TNFRSF11B: variants seen among roughly 807,000 people sequenced by gnomAD.
TNFRSF11B encodes TNF receptor superfamily member 11b.
TNFRSF11B carries 16 observed loss-of-function variants against 43.4 expected under a neutral mutation model. That is an observed-to-expected ratio of 0.37 (90% confidence interval 0.25 to 0.56). TNFRSF11B has a LOEUF of 0.56. Among genes scored for constraint, TNFRSF11B ranks in the 20% least tolerant of loss-of-function variants. The probability of loss-of-function intolerance (pLI) is 0.80; values close to 1 mark genes in which losing one functional copy is unlikely to be tolerated. For missense variants in TNFRSF11B, 444 were observed against 490.1 expected (o/e 0.91, Z 0.89); for synonymous variants, 185 against 181.8 (o/e 1.02, Z -0.14).
At chr8:118,938,513 AT>A (rs994802547) in intron 1 of TNFRSF11B, among the ~76,000 whole-genome samples, 1 of 152,136 alleles carries the variant, frequency 6.6e-6, no homozygotes, top group African/African-American at 2.4e-5. Flanking sequence ...TATAAAATGA[AT>A]TTTTTGGTCA....
chr8:118,935,159 T>C (rs1053459256), intron 1 of TNFRSF11B, among the ~76,000 whole-genome samples: 1 of 152,200 alleles, frequency 6.6e-6, no homozygotes, highest in Admixed American at 6.5e-5. Context: ...TCCCTTGACC[T>C]GAGAGTTTCT....
chr8:118,948,607 T>TAA (rs1554618575), intron 1 of TNFRSF11B, among the ~76,000 whole-genome samples: 1 of 151,654 alleles, frequency 6.6e-6, no homozygotes, highest in African/African-American at 2.4e-5. Flanking sequence ...AGTTTCAGCT[T>TAA]AAGTAAAATT....
At chr8:118,931,914 A>G (rs961392547) in intron 2 of TNFRSF11B, among the ~76,000 whole-genome samples, 2 of 152,130 alleles carry the variant, frequency 1.3e-5, no homozygotes, top group African/African-American at 4.8e-5. Flanking sequence ...GTCTGAAGAC[A>G]TTTTTGGCTG....
intron 1 of TNFRSF11B, among the ~76,000 whole-genome samples, chr8:118,940,754 T>C (rs1420917132): frequency 6.6e-6 from 1 of 152,110 alleles, no homozygotes; most frequent in African/African-American, 2.4e-5. Flanking sequence ...TGTTCTTGTC[T>C]CCAGAAAAAA....
At chr8:118,947,210 A>G (rs1413335219) in intron 1 of TNFRSF11B, among the ~76,000 whole-genome samples, 1 of 149,456 alleles carries the variant, frequency 6.7e-6, no homozygotes, top group Non-Finnish European at 1.5e-5. Flanking sequence ...GAAGTGAACT[A>G]TCTGGCAGTA....
At chr8:118,926,826 T>TA in intron 3 of TNFRSF11B, 108 bp from the exon 4 acceptor site, 1 of 1,062,770 alleles carries the variant, frequency 9.4e-7, no homozygotes, top group African/African-American at 1.6e-5. Context: ...TTTTCCAAGA[T>TA]AAAATATGCT....
At position 118,927,748 on chromosome 8, in the gene TNFRSF11B, T is replaced by C. The variant is rs552578315; in HGVS notation, c.592+990A>G. Reference sequence around the variant, plus strand: ...CAAGCTGGTTTATACCATTGCTTGATTAAACACAAAAAAGCAAATCATCTT... The same window carrying C: ...CAAGCTGGTTTATACCATTGCTTGACTAAACACAAAAAAGCAAATCATCTT... On this transcript the variant is annotated intron_variant, in intron 3 of 4. Coordinates refer to ENST00000297350, the MANE Select transcript of TNFRSF11B (RefSeq NM_002546.4). 1.3e-4 allele frequency among the ~76,000 whole-genome samples: 20 copies of C among 152,234 alleles called. No individual in the cohort carries two copies. The South Asian group carries it at 4.2e-3, about 32-fold the overall frequency.
intron 2 of TNFRSF11B, among the ~76,000 whole-genome samples, chr8:118,931,722 CAG>C (rs1338338340): frequency 6.6e-6 from 1 of 152,276 alleles, no homozygotes; most frequent in Non-Finnish European, 1.5e-5. Flanking sequence ...ATTTGAGAAA[CAG>C]AATAGATTTT....
chr8:118,947,106 C>A (rs1051758617), intron 1 of TNFRSF11B, among the ~76,000 whole-genome samples: 2 of 152,152 alleles, frequency 1.3e-5, no homozygotes, highest in South Asian at 2.1e-4. Context: ...TTGATATGAA[C>A]CTTTATAGTA....
intron 1 of TNFRSF11B, among the ~76,000 whole-genome samples, chr8:118,934,349 AT>A (rs556953734): frequency 1.2e-4 from 18 of 152,318 alleles, no homozygotes; most frequent in African/African-American, 3.8e-4. Context: ...TTCTCTAAAC[AT>A]CATATTGACC....
intron 1 of TNFRSF11B, among the ~76,000 whole-genome samples, chr8:118,951,253 AGTGT>A (rs939808379): frequency 5.9e-5 from 9 of 152,178 alleles, no homozygotes; most frequent in Non-Finnish European, 1.2e-4. Context: ...ACAGTTAAGA[AGTGT>A]GTGTGTGAGA....
intron 3 of TNFRSF11B, among the ~76,000 whole-genome samples, chr8:118,927,012 A>G (rs1408832808): frequency 6.6e-6 from 1 of 152,232 alleles, no homozygotes; most frequent in African/African-American, 2.4e-5. Flanking sequence ...AAAAATTCTT[A>G]TAATGAATAC....
At chr8:118,946,211 A>T (rs1346179663) in intron 1 of TNFRSF11B, among the ~76,000 whole-genome samples, 1 of 152,146 alleles carries the variant, frequency 6.6e-6, no homozygotes, top group African/African-American at 2.4e-5. Context: ...CTCGGAAATT[A>T]TGCCAACTTG....
intron 1 of TNFRSF11B, among the ~76,000 whole-genome samples, chr8:118,949,616 T>A (rs1812612091): frequency 6.6e-6 from 1 of 152,230 alleles, no homozygotes; most frequent in Non-Finnish European, 1.5e-5. Context: ...GCTTCCCTTA[T>A]AAGGTGCTAT....
rs1812219139 is a variant in TNFRSF11B, at chr8:118,924,275, G to A, written c.*99C>T. ...TGTGGCAAAATTAGTCACTGGTAAT[G>A]AGAAAGATATCACTGAAAGCCTCAA... is the stretch of plus-strand genomic sequence containing the variant. On this transcript the variant is annotated 3_prime_UTR_variant, in exon 5 of 5. Coordinates refer to ENST00000297350, the MANE Select transcript of TNFRSF11B (RefSeq NM_002546.4). The A allele has an allele frequency of 5.6e-6, 8 of 1,424,558 alleles. No homozygotes were observed. The highest frequency in any genetic ancestry group is 1.4e-5 in the African/African-American group (1 of 71,078). The allele number at this position is 1,424,558 out of a possible 1,614,324, so 88.2% of individuals were successfully genotyped here.
chr8:118,938,308 A>C (rs1812431210), intron 1 of TNFRSF11B, among the ~76,000 whole-genome samples: 1 of 152,122 alleles, frequency 6.6e-6, no homozygotes, highest in African/African-American at 2.4e-5. Flanking sequence ...TCAAGCATAC[A>C]TGTATTAAAG....
chr8:118,948,791 A>G (rs1563694714), intron 1 of TNFRSF11B, among the ~76,000 whole-genome samples: 2 of 97,050 alleles, frequency 2.1e-5, no homozygotes, highest in African/African-American at 1.1e-4. Context: ...AAACAAACAA[A>G]CAAAAAAAAA....
intron 1 of TNFRSF11B, among the ~76,000 whole-genome samples, chr8:118,943,316 A>G (rs1812514304): frequency 6.6e-6 from 1 of 152,160 alleles, no homozygotes; most frequent in Non-Finnish European, 1.5e-5. Flanking sequence ...TTGCTAAAGA[A>G]AAGAATTATG....
In TNFRSF11B at chr8:118,951,738, G is replaced by A. The variant is rs2129935468; in HGVS notation, c.30+54C>T. The A allele has an allele frequency of 2.0e-6, 3 of 1,536,968 alleles. No individual in the cohort carries two copies. The East Asian group carries it at 7.2e-5, about 37-fold the overall frequency. The stretch of plus-strand genomic sequence containing the variant: ...GTCCGCTGGGAGGTTGGGAGACCAG[G>A]TGGCAGCAGCCTCCCCAGGCGCCGG... On this transcript the variant is annotated intron_variant, in intron 1 of 4. Coordinates refer to ENST00000297350, the MANE Select transcript of TNFRSF11B (RefSeq NM_002546.4).
Sources: gnomAD v4.1 joint callset for allele counts (sites outside exome capture counted in the v4.1 genomes callset) on GRCh38, gnomAD v4.1.1 for gene constraint, MANE v1.5 for transcripts, NCBI Gene and HGNC (gene_info 2026-07-23, HGNC 2026-07-21) for gene names.